DIS3L2: variants seen among roughly 807,000 people sequenced by gnomAD.
DIS3L2 encodes DIS3 like 3'-5' exoribonuclease 2, also known as DIS3-like exonuclease 2.
A neutral mutation model predicts 97.5 loss-of-function variants in DIS3L2; 34 were observed. The ratio of observed to expected loss-of-function variants is 0.35; its 90% confidence interval spans 0.27 to 0.46. The LOEUF is 0.46. Among genes scored for constraint, DIS3L2 ranks in the 20% least tolerant of loss-of-function variants. The pLI is 1.00. For missense variants in DIS3L2, 1,038 were observed against 1,146.0 expected (o/e 0.91, Z 1.36); for synonymous variants, 435 against 445.2 (o/e 0.98, Z 0.29).
At chr2:232,080,376 T>C (rs1353723461) in intron 5 of DIS3L2, among the ~76,000 whole-genome samples, 1 of 152,140 alleles carries the variant, frequency 6.6e-6, no homozygotes, top group Non-Finnish European at 1.5e-5. Context: ...CACTTAACTT[T>C]GGGAGTTAAT....
At chr2:232,278,816 A>G (rs1694211903) in intron 13 of DIS3L2, among the ~76,000 whole-genome samples, 1 of 152,188 alleles carries the variant, frequency 6.6e-6, no homozygotes, top group Non-Finnish European at 1.5e-5. Context: ...TTACTTGGGT[A>G]AATATTTGGA....
chr2:232,228,461 C>T (rs1692705005), intron 10 of DIS3L2, among the ~76,000 whole-genome samples: 1 of 152,202 alleles, frequency 6.6e-6, no homozygotes, highest in South Asian at 2.1e-4. Context: ...ACGACACATG[C>T]CATGACCTGC....
At chr2:232,205,551 C>T (rs867983701) in intron 9 of DIS3L2, among the ~76,000 whole-genome samples, 14 of 152,006 alleles carry the variant, frequency 9.2e-5, no homozygotes, top group Admixed American at 3.9e-4. Flanking sequence ...GTCTGCCCAC[C>T]GCGGCCTCCC....
At chr2:232,088,196 C>T (rs1331549226) in intron 6 of DIS3L2, among the ~76,000 whole-genome samples, 2 of 151,266 alleles carry the variant, frequency 1.3e-5, no homozygotes, top group African/African-American at 4.9e-5. Context: ...GTCAGGAGAT[C>T]GAGACCATCC....
chr2:232,076,009 C>T (rs1696174283), intron 5 of DIS3L2, among the ~76,000 whole-genome samples: 1 of 152,160 alleles, frequency 6.6e-6, no homozygotes, highest in Admixed American at 6.5e-5. Flanking sequence ...AGTGCAGAGC[C>T]ATGACTCAAG....
downstream of DIS3L2, among the ~76,000 whole-genome samples, chr2:232,338,744 C>T (rs1410434181): frequency 3.9e-5 from 6 of 152,352 alleles, no homozygotes; most frequent in East Asian, 3.9e-4. Context: ...AATCCGGTGC[C>T]GCGCATTCAC....
At chr2:232,169,783 T>A (rs1465240300) in intron 9 of DIS3L2, among the ~76,000 whole-genome samples, 1 of 152,176 alleles carries the variant, frequency 6.6e-6, no homozygotes, top group Admixed American at 6.6e-5. Flanking sequence ...TTTGAACAAT[T>A]ATATTTGGAA....
chr2:232,021,508 G>T (rs1694511394), intron 3 of DIS3L2, among the ~76,000 whole-genome samples: 1 of 151,984 alleles, frequency 6.6e-6, no homozygotes, highest in Non-Finnish European at 1.5e-5. Context: ...TGTGAACGTG[G>T]GAGAGAGTAG....
At chr2:232,247,613 CCGCGGGGG>C (rs1693288228) in intron 11 of DIS3L2, among the ~76,000 whole-genome samples, 3 of 12,382 alleles carry the variant, frequency 2.4e-4, no homozygotes, top group South Asian at 3.0e-3. Flanking sequence ...CATATAACTG[CCGCGGGGG>C]GGGGGGGGGG....
intron 10 of DIS3L2, among the ~76,000 whole-genome samples, chr2:232,221,842 G>A (rs977628338): frequency 1.3e-5 from 2 of 152,126 alleles, no homozygotes; most frequent in African/African-American, 4.8e-5. Context: ...GCAATTTTCT[G>A]CTTGGATACA....
chr2:231,995,293 C>T (rs553006784), intron 1 of DIS3L2, among the ~76,000 whole-genome samples: 1 of 152,250 alleles, frequency 6.6e-6, no homozygotes, highest in South Asian at 2.1e-4. Context: ...TTTGGTTCAG[C>T]AATGGGTGCC....
At chr2:232,262,072 G>A (rs1337707103) in intron 12 of DIS3L2, among the ~76,000 whole-genome samples, 7 of 151,856 alleles carry the variant, frequency 4.6e-5, no homozygotes, top group Non-Finnish European at 7.4e-5. Context: ...TCCTAACATC[G>A]GTCACTCCTG....
rs76986607 is a variant in DIS3L2 at position 232,065,877 on chromosome 2, A to G, written c.367-21610A>G. On this transcript the variant is annotated intron_variant, in intron 5 of 20. Transcript: ENST00000325385. ...TTTTCAGTGTATAAGTTTTGCATATATTTTGTTAGATTTCTTACTAAATCA... is the reference window on the plus strand; with the variant it reads ...TTTTCAGTGTATAAGTTTTGCATATGTTTTGTTAGATTTCTTACTAAATCA... Among the ~76,000 whole-genome samples the G allele has an allele frequency of 2.6e-5, 4 of 151,642 alleles. No individual in the cohort carries two copies. The East Asian group carries it at 7.7e-4, about 29-fold the overall frequency.
intron 12 of DIS3L2, among the ~76,000 whole-genome samples, chr2:232,253,148 C>T (rs1405193341): frequency 1.3e-5 from 2 of 152,182 alleles, no homozygotes; most frequent in African/African-American, 4.8e-5. Context: ...GTGAAAAAGA[C>T]AAGCAATCAA....
At chr2:231,995,904 G>A (rs1015592549) in intron 1 of DIS3L2, among the ~76,000 whole-genome samples, 17 of 152,196 alleles carry the variant, frequency 1.1e-4, no homozygotes, top group Non-Finnish European at 2.1e-4. Context: ...TCCCAGGAGG[G>A]ACTCACTCTG....
intron 13 of DIS3L2, among the ~76,000 whole-genome samples, chr2:232,290,800 C>T (rs542725265): frequency 1.3e-5 from 2 of 152,252 alleles, no homozygotes; most frequent in Admixed American, 6.5e-5. Context: ...CCAATGGGAG[C>T]GGCCAGCCTC....
chr2:232,140,708 G>A (rs1343782586), intron 8 of DIS3L2, among the ~76,000 whole-genome samples: 6 of 152,200 alleles, frequency 3.9e-5, no homozygotes, highest in Non-Finnish European at 8.8e-5. Flanking sequence ...CCTCCCCTTT[G>A]CTGTAAGCAT....
At chr2:231,975,704 C>CAAAA (rs34710079) in intron 1 of DIS3L2, among the ~76,000 whole-genome samples, 61 of 55,212 alleles carry the variant, frequency 1.1e-3, no homozygotes, top group African/African-American at 1.8e-3. Context: ...GACTCCGCCT[C>CAAAA]AAAAAAAAAA....
intron 15 of DIS3L2, 111 bp from the exon 16 acceptor site, chr2:232,330,579 G>C: frequency 8.8e-7 from 1 of 1,135,918 alleles, no homozygotes; most frequent in Non-Finnish European, 1.3e-6. Context: ...GAGCCCCACA[G>C]GCAACTCCTC....
Sources: allele counts gnomAD v4.1 joint callset (sites outside exome capture counted in the v4.1 genomes callset), GRCh38; gene constraint gnomAD v4.1.1; transcripts MANE v1.5; gene names NCBI Gene and HGNC (gene_info 2026-07-23, HGNC 2026-07-21).